The following KCTD3 variants were observed in gnomAD, a reference collection of about 807,000 sequenced individuals.
The protein encoded by KCTD3 is potassium channel tetramerization domain containing 3, also known as BTB/POZ domain-containing protein KCTD3.
KCTD3 carries 41 observed loss-of-function variants against 85.8 expected under a neutral mutation model. The observed-to-expected ratio is 0.48, with a 90% CI of 0.37 to 0.62. The LOEUF (loss-of-function observed/expected upper bound fraction) is 0.62, where lower values mean the gene tolerates loss of function less well. Among genes scored for constraint, KCTD3 ranks in the 20% least tolerant of loss-of-function variants. The probability of loss-of-function intolerance (pLI) is 0.00; values close to 1 mark genes in which losing one functional copy is unlikely to be tolerated. For synonymous variants in KCTD3, 338 were observed against 345.4 expected (o/e 0.98, Z 0.24); for missense variants, 724 against 989.9 (o/e 0.73, Z 3.60).
intron 8 of KCTD3, among the ~76,000 whole-genome samples, chr1:215,580,722 A>G (rs935179617): frequency 4.9e-4 from 75 of 152,330 alleles, no homozygotes; most frequent in African/African-American, 1.6e-3. Flanking sequence ...CAGAAAAATC[A>G]AAGATACATA....
intron 13 of KCTD3, among the ~76,000 whole-genome samples, chr1:215,606,667 A>G (rs1655033339): frequency 6.6e-6 from 1 of 152,072 alleles, no homozygotes; most frequent in East Asian, 1.9e-4. Flanking sequence ...TTAACATCAG[A>G]TATTTCATGT....
chr1:215,595,541 C>G, intron 10 of KCTD3, 70 bp downstream of exon 10: 1 of 954,686 alleles, frequency 1.0e-6, no homozygotes, highest in South Asian at 1.6e-5. Context: ...TTTTTTTTTT[C>G]CTTGTAGAAT....
chr1:215,601,867 G>C lies in KCTD3; in HGVS notation c.934G>C (p.Val312Leu). The C allele has an allele frequency of 6.5e-7, 1 of 1,533,652 alleles. No homozygotes were observed. Among genetic ancestry groups the C allele is most frequent in the South Asian group, 1.1e-5 (1 of 87,256 alleles). Reference protein sequence around the residue: ...VWNAVTQHWQVQDVVPITSYD... With the variant: ...VWNAVTQHWQLQDVVPITSYD... ...TCTGATAATACTCTCACTACATCAG[G>C]TTCAAGATGTTGTTCCTATAACTAG... Residue 312 changes from valine to leucine, a missense_variant and splice_region_variant, in exon 11 of 18, where the codon GTT (valine) becomes CTT (leucine). Around this residue, in one of 6 missense-constraint regions of KCTD3, gnomAD observed 146 missense variants for 320.3 expected, o/e 0.46. Coordinates refer to ENST00000259154, the MANE Select transcript of KCTD3 (RefSeq NM_016121.5).
intron 13 of KCTD3, among the ~76,000 whole-genome samples, chr1:215,604,973 G>C (rs781009870): frequency 2.6e-5 from 4 of 151,936 alleles, no homozygotes. Context: ...TAATTTTCAA[G>C]TTTAACGAAT....
At chr1:215,608,609 TCTC>T (rs1400572642) in intron 14 of KCTD3, among the ~76,000 whole-genome samples, 2 of 151,946 alleles carry the variant, frequency 1.3e-5, no homozygotes, top group African/African-American at 4.8e-5. Flanking sequence ...ATGTAGTATG[TCTC>T]CTTTGATATT....
intron 15 of KCTD3, among the ~76,000 whole-genome samples, chr1:215,615,909 G>T (rs1467535325): frequency 6.6e-6 from 1 of 152,192 alleles, no homozygotes; most frequent in Non-Finnish European, 1.5e-5. Flanking sequence ...GAAATAGACT[G>T]AGTAGGGAAC....
chr1:215,598,053 T>C (rs1329155470), intron 10 of KCTD3, among the ~76,000 whole-genome samples: 1 of 152,066 alleles, frequency 6.6e-6, no homozygotes, highest in Non-Finnish European at 1.5e-5. Flanking sequence ...GTATATTGTT[T>C]ATACTAAGTA....
chr1:215,618,154 G>C (rs1444943480), intron 15 of KCTD3: 1 of 466,234 alleles, frequency 2.1e-6, no homozygotes, highest in African/African-American at 2.0e-5. Context: ...GGCATTTGGA[G>C]GTAAACTTTC....
chr1:215,593,456 A>G (rs77373647), intron 9 of KCTD3, among the ~76,000 whole-genome samples: 3,042 of 152,300 alleles, frequency 0.02, 53 homozygotes, highest in Non-Finnish European at 0.027. Context: ...AGACTGATTA[A>G]AAGTTTTCAA....
At chr1:215,574,183 T>C (rs1659482771) in intron 3 of KCTD3, 65 bp downstream of exon 3, 3 of 918,356 alleles carry the variant, frequency 3.3e-6, no homozygotes, top group South Asian at 3.7e-5. Flanking sequence ...TCCTAACATA[T>C]AGTTACTCTA....
chr1:215,567,948 G>A (rs1377140984), intron 1 of KCTD3, among the ~76,000 whole-genome samples, 180 bp downstream of exon 1: 3 of 152,186 alleles, frequency 2.0e-5, no homozygotes. Context: ...TGAAGCATCT[G>A]CTCTGGGAAG....
chr1:215,585,115 CAAGA>C (rs1175629408), intron 8 of KCTD3, among the ~76,000 whole-genome samples: 1 of 152,026 alleles, frequency 6.6e-6, no homozygotes, highest in Non-Finnish European at 1.5e-5. Context: ...GGATCTCTCA[CAAGA>C]AAGAATTCAG....
At chr1:215,587,463 A>G (rs900845473) in intron 9 of KCTD3, among the ~76,000 whole-genome samples, 3 of 152,188 alleles carry the variant, frequency 2.0e-5, no homozygotes, top group Non-Finnish European at 4.4e-5. Flanking sequence ...TATTTACTAT[A>G]TTAGAAATTA....
chr1:215,586,925 C>G (rs897100865), intron 9 of KCTD3, among the ~76,000 whole-genome samples: 2 of 152,030 alleles, frequency 1.3e-5, no homozygotes, highest in Non-Finnish European at 2.9e-5. Context: ...TATTGCTTTT[C>G]CTGAATCCCA....
At chr1:215,580,177 A>G (rs1236181651) in intron 8 of KCTD3, among the ~76,000 whole-genome samples, 178 bp downstream of exon 8, 1 of 152,182 alleles carries the variant, frequency 6.6e-6, no homozygotes, top group African/African-American at 2.4e-5. Flanking sequence ...TTCACAGCTA[A>G]TTTGGTAAAT....
Position 215,567,612 on chromosome 1 carries a change from C to T in KCTD3, c.-74C>T, listed in dbSNP as rs1232847033. On this transcript the variant is annotated 5_prime_UTR_variant, in exon 1 of 18. Transcript: ENST00000259154. ...CTGGCCCTGCAGCCGTCGCCGCTGC[C>T]TCGGGCTACAGCCCCGGGCTCGGCG... 3 of 1,014,442 alleles carry T rather than the reference C, an allele frequency of 3.0e-6. No individual in the cohort carries two copies. Among genetic ancestry groups the T allele is most frequent in the African/African-American group, 1.7e-5 (1 of 60,328 alleles). The allele number at this position is 1,014,442 out of a possible 1,614,324, so 62.8% of individuals were successfully genotyped here. A position where few individuals can be genotyped will look rare whatever the true frequency, so the allele number is the denominator to read the frequency against.
chr1:215,594,682 T>C (rs1660345665), intron 9 of KCTD3, among the ~76,000 whole-genome samples: 1 of 152,222 alleles, frequency 6.6e-6, no homozygotes, highest in Non-Finnish European at 1.5e-5. Flanking sequence ...TGTAAGTTCT[T>C]AGTAATGTCT....
intron 13 of KCTD3, among the ~76,000 whole-genome samples, chr1:215,604,980 G>A (rs1004296257): frequency 6.6e-6 from 1 of 151,874 alleles, no homozygotes; most frequent in Admixed American, 6.6e-5. Flanking sequence ...CAAGTTTAAC[G>A]AATAGTACTT....
At chr1:215,596,765 A>T (rs771523504) in intron 10 of KCTD3, among the ~76,000 whole-genome samples, 1 of 152,158 alleles carries the variant, frequency 6.6e-6, no homozygotes, top group African/African-American at 2.4e-5. Flanking sequence ...GAAAAAAAAG[A>T]TAATTGGTGC....
Sources: allele counts gnomAD v4.1 joint callset (sites outside exome capture counted in the v4.1 genomes callset), GRCh38; gene constraint gnomAD v4.1.1; regional missense constraint gnomAD v4.1.1; transcripts MANE v1.5; gene names NCBI Gene and HGNC (gene_info 2026-07-23, HGNC 2026-07-21).